The following SIGLEC7 variants were observed in gnomAD, a reference collection of about 807,000 sequenced individuals.
SIGLEC7 encodes the protein sialic acid-binding Ig-like lectin 7.
SIGLEC7 carries 33 observed loss-of-function variants against 40.8 expected under a neutral mutation model. The ratio of observed to expected loss-of-function variants is 0.81; its 90% CI spans 0.61 to 1.08. The LOEUF (loss-of-function observed/expected upper bound fraction) is 1.08. Ranked by LOEUF, SIGLEC7 falls within the 50% of genes least tolerant of loss-of-function variation. SIGLEC7 has a pLI of 0.00. For synonymous variants in SIGLEC7, 242 were observed against 237.6 expected (o/e 1.02, Z -0.17); for missense variants, 513 against 576.1 (o/e 0.89, Z 1.12).
At position 51,153,098 on chromosome 19, in the gene SIGLEC7, C is replaced by T. The variant is rs370537496; in HGVS notation, c.1257C>T (p.Pro419=). Residue 419 remains proline (P), a synonymous_variant, in exon 7 of 7, where the codon CCC becomes CCT. Coordinates refer to ENST00000317643, the MANE Select transcript of SIGLEC7 (RefSeq NM_014385.4). ...NLTESWADDN[P]RHHGLAAHSS... ...CTGAGTCCTGGGCAGATGATAACCC[C>T]CGACACCATGGCCTGGCTGCCCACT... is the stretch of plus-strand genomic sequence containing the variant. The T allele has an allele frequency of 3.7e-6, 6 of 1,604,790 alleles. No homozygotes were observed. In the African/African-American group the frequency reaches 4.0e-5, roughly 11 times the overall value.
At chr19:51,144,140 C>T in intron 1 of SIGLEC7, 4 of 725,258 alleles carry the variant, frequency 5.5e-6, no homozygotes, top group Non-Finnish European at 7.7e-6. Flanking sequence ...CTACTACTTC[C>T]AGGTGGAGAG....
chr19:51,144,268 A>C, intron 1 of SIGLEC7, 138 bp from the exon 2 acceptor site: 1 of 1,446,062 alleles, frequency 6.9e-7, no homozygotes, highest in Non-Finnish European at 9.3e-7. Context: ...AAAGCCTGGG[A>C]TGGGGCCCCT....
chr19:51,144,053 T>C (rs530655826), intron 1 of SIGLEC7: 16 of 597,078 alleles, frequency 2.7e-5, no homozygotes, highest in Non-Finnish European at 4.2e-5. Flanking sequence ...ACGGGGCCGA[T>C]TCCACCTCCT....
Position 51,146,827 on chromosome 19 carries a change from C to G in SIGLEC7, c.1101C>G (p.Leu367=), listed in dbSNP as rs1568621453. 1 of 1,614,076 alleles carries G rather than the reference C, an allele frequency of 6.2e-7. No homozygotes were observed. Among genetic ancestry groups the G allele is most frequent in the East Asian group, 2.2e-5 (1 of 44,880 alleles). Residue 367 remains leucine, a synonymous_variant, in exon 5 of 7, where the codon CTC becomes CTG. Coordinates refer to ENST00000317643, the MANE Select transcript of SIGLEC7 (RefSeq NM_014385.4). ...GGAGATALVF[L]SFCVIFIVVR... ...CTGGAGCCACAGCCCTGGTCTTCCT[C>G]TCCTTCTGTGTCATCTTCATTGTGT...
At chr19:51,148,921 C>T (rs537785227) in intron 6 of SIGLEC7, among the ~76,000 whole-genome samples, 4 of 152,260 alleles carry the variant, frequency 2.6e-5, no homozygotes, top group African/African-American at 7.2e-5. Flanking sequence ...TTCTGATTTG[C>T]GTTTCTCTAG....
intron 1 of SIGLEC7, chr19:51,143,883 A>G: frequency 2.2e-6 from 1 of 454,874 alleles, no homozygotes; most frequent in Non-Finnish European, 4.4e-6. Flanking sequence ...GTGATGGTGC[A>G]GGAGGGCTAG....
At chr19:51,148,051 A>T (rs1180492511) in intron 6 of SIGLEC7, among the ~76,000 whole-genome samples, 1 of 152,222 alleles carries the variant, frequency 6.6e-6, no homozygotes, top group Non-Finnish European at 1.5e-5. Flanking sequence ...TCATAACTGC[A>T]GCCCTGCACA....
Position 51,142,803 on chromosome 19 carries a change from G to A in SIGLEC7, c.433+1G>A, listed in dbSNP as rs774633584. ...GACCAGCTCTCTGTGAACGTGACAG[G>A]TAAGGCACGGGCTCCAAGAGAGGCC... On this transcript the variant is annotated splice_donor_variant, in intron 1 of 6. Transcript: ENST00000317643. LOFTEE classifies it high-confidence loss of function. This position sits in a 1 kb window ranked among gnomAD's most constrained non-coding sequence, Gnocchi z 5.0. The A allele has an allele frequency of 1.0e-5, 16 of 1,582,722 alleles. No individual in the cohort carries two copies. The highest frequency in any genetic ancestry group is 1.4e-5 in the Non-Finnish European group (16 of 1,163,098).
chr19:51,150,020 T>A (rs1400758404), intron 6 of SIGLEC7, among the ~76,000 whole-genome samples: 3 of 152,226 alleles, frequency 2.0e-5, no homozygotes, highest in Non-Finnish European at 2.9e-5. Flanking sequence ...TTTGCTGAAG[T>A]TATTTATCAT....
intron 6 of SIGLEC7, among the ~76,000 whole-genome samples, chr19:51,148,826 C>T (rs1307261418): frequency 6.6e-6 from 1 of 152,196 alleles, no homozygotes; most frequent in Admixed American, 6.5e-5. Context: ...GTTCCCTTTT[C>T]TCTGCAGCCT....
chr19:51,147,171 C>A (rs765953793), intron 5 of SIGLEC7, 50 bp from the exon 6 acceptor site: 3 of 1,608,876 alleles, frequency 1.9e-6, no homozygotes, highest in Non-Finnish European at 1.7e-6. Flanking sequence ...GGTCTGCCCA[C>A]TGCACCCCGA....
At position 51,142,323 on chromosome 19, in the gene SIGLEC7, T is replaced by A. The variant is rs1247768528; in HGVS notation, c.-47T>A. 4 of 1,589,514 alleles carry A rather than the reference T, an allele frequency of 2.5e-6. No individual in the cohort carries two copies. The Admixed American group carries it at 6.8e-5, about 27-fold the overall frequency. On this transcript the variant is annotated 5_prime_UTR_variant, in exon 1 of 7. Transcript: ENST00000317643. The surrounding 1 kb of genome is among the most constrained non-coding windows in gnomAD (Gnocchi z 5.0). ...CCCGCAGTTCCTGAGAGAAGAACCC[T>A]GAGGAACAGACGTTCCCTCGCGGCC...
Position 51,153,315 on chromosome 19 carries a change from C to T in SIGLEC7, c.*70C>T. The T allele has an allele frequency of 7.3e-6, 9 of 1,235,422 alleles. No homozygotes were observed. The highest frequency in any genetic ancestry group is 9.9e-6 in the Non-Finnish European group (9 of 908,028). 76.5% of individuals were successfully genotyped at this position (1,235,422 alleles called of 1,614,324 possible). The stretch of plus-strand genomic sequence containing the variant: ...CAGCAAAGGAGTCTGAGGCTGATTC[C>T]AGTAGAATTAGCAGCCCTCAATGCT... On this transcript the variant is annotated 3_prime_UTR_variant, in exon 7 of 7. Coordinates refer to ENST00000317643, the MANE Select transcript of SIGLEC7 (RefSeq NM_014385.4).
intron 6 of SIGLEC7, among the ~76,000 whole-genome samples, chr19:51,152,528 C>T (rs576378483): frequency 6.6e-6 from 1 of 152,320 alleles, no homozygotes; most frequent in East Asian, 1.9e-4. Context: ...CAAATCAAGG[C>T]CCTGTAATTC....
rs146492594 is a variant in SIGLEC7 at position 51,144,311 on chromosome 19, G to A, written c.434-95G>A. 2.0e-4 allele frequency: 307 copies of A among 1,512,268 alleles called. 2 individuals are homozygous for A. The Middle Eastern group carries it at 4.1e-3, about 20-fold the overall frequency. 93.7% of individuals were successfully genotyped at this position (1,512,268 alleles called of 1,614,324 possible). ...GAGAGGGCTGAGGGTGAAGCGAGTT[G>A]GGCTCAGGGCAGAAGCTGAACCAGA... On this transcript the variant is annotated intron_variant, in intron 1 of 6. Coordinates refer to ENST00000317643, the MANE Select transcript of SIGLEC7 (RefSeq NM_014385.4).
chr19:51,152,074 G>A (rs950843588), intron 6 of SIGLEC7, among the ~76,000 whole-genome samples: 64 of 152,314 alleles, frequency 4.2e-4, no homozygotes, highest in African/African-American at 1.5e-3. Flanking sequence ...CAAAATGGGT[G>A]TCACTGGGCC....
Position 51,151,918 on chromosome 19 carries a change from C to T in SIGLEC7, c.1222-1145C>T, listed in dbSNP as rs376950698. On this transcript the variant is annotated intron_variant, in intron 6 of 6. Coordinates refer to ENST00000317643, the MANE Select transcript of SIGLEC7 (RefSeq NM_014385.4). The stretch of plus-strand genomic sequence containing the variant: ...ACAGGGGAGCAGCAGGGAAGGGCTG[C>T]GATGAAGGAGGACCCTCCCAGGCAG... Among the ~76,000 whole-genome samples, 78 of 152,302 alleles carry T rather than the reference C, an allele frequency of 5.1e-4. 9 individuals carry two copies. The South Asian group carries it at 6.0e-3, about 12-fold the overall frequency.
Position 51,146,093 on chromosome 19 carries a change from GAACCTCTCCC to G in SIGLEC7, c.1000_1009del (p.Asn334CysfsTer9). On this transcript the variant is annotated frameshift_variant, in exon 4 of 7. Transcript: ENST00000317643. LOFTEE classifies it high-confidence loss of function. ...CTCTGGGTTCCCAGCACGTTTCCCT[GAACCTCTCCC>G]TGCAACAGGAGTACACAGGTGGGTA... is the stretch of plus-strand genomic sequence containing the variant. The G allele has an allele frequency of 6.2e-7, 1 of 1,614,222 alleles. No individual in the cohort carries two copies.
chr19:51,143,173 A>G (rs2092081754), intron 1 of SIGLEC7, among the ~76,000 whole-genome samples: 1 of 152,104 alleles, frequency 6.6e-6, no homozygotes, highest in African/African-American at 2.4e-5. Context: ...GTGAGACAAT[A>G]ACAATTATCT....
Sources: gnomAD v4.1 joint callset for allele counts (sites outside exome capture counted in the v4.1 genomes callset) on GRCh38, gnomAD v4.1.1 for gene constraint, Gnocchi (gnomAD v3.1) non-coding constraint, MANE v1.5 for transcripts, NCBI Gene and HGNC (gene_info 2026-07-23, HGNC 2026-07-21) for gene names.